Variants in FHIT observed in about 807,000 individuals in gnomAD.
The protein encoded by FHIT is fragile histidine triad diadenosine triphosphatase, also known as bis(5'-adenosyl)-triphosphatase.
Under a neutral mutation model 17.9 loss-of-function variants are expected in FHIT, and 19 were observed. The ratio of observed to expected loss-of-function variants is 1.06; its 90% CI spans 0.74 to 1.56. The LOEUF is 1.56. FHIT is among the 40% of genes most tolerant of loss of function. FHIT has a pLI of 0.00. For missense variants in FHIT, 248 were observed against 189.2 expected (o/e 1.31, Z -1.82); for synonymous variants, 81 against 69.7 (o/e 1.16, Z -0.81).
In FHIT at chr3:60,250,201, C is replaced by G. The variant is rs561268579; in HGVS notation, c.104-236049G>C. On this transcript the variant is annotated intron_variant, in intron 5 of 9. Transcript: ENST00000492590. ...CATGCACTAGATAAAGTCGCACCTA[C>G]AGCTGAGCAAGATAGTTTCCAATTA... Among the ~76,000 whole-genome samples the G allele has an allele frequency of 1.1e-4, 16 of 152,254 alleles. 1 individual carries two copies. In the East Asian group the frequency reaches 2.9e-3, roughly 28 times the overall value.
intron 4 of FHIT, among the ~76,000 whole-genome samples, chr3:60,716,641 T>C (rs915458539): frequency 1.3e-5 from 2 of 152,198 alleles, no homozygotes; most frequent in East Asian, 3.9e-4. Flanking sequence ...TAGAAGTACA[T>C]GCTAAAATAA....
chr3:59,887,092 A>G (rs1375184317), intron 8 of FHIT, among the ~76,000 whole-genome samples: 3 of 152,170 alleles, frequency 2.0e-5, no homozygotes, highest in Non-Finnish European at 4.4e-5. Flanking sequence ...GAAAGTAACA[A>G]CATGGAAAGA....
At chr3:60,210,245 G>A (rs901875647) in intron 5 of FHIT, among the ~76,000 whole-genome samples, 8 of 152,142 alleles carry the variant, frequency 5.3e-5, no homozygotes, top group Non-Finnish European at 1.0e-4. Flanking sequence ...TAAGTGGATA[G>A]TCACATGAAG....
intron 4 of FHIT, among the ~76,000 whole-genome samples, chr3:60,814,016 T>C (rs1401412575): frequency 1.3e-5 from 2 of 152,168 alleles, no homozygotes; most frequent in Admixed American, 6.5e-5. Flanking sequence ...ACATAGCTGT[T>C]CTTGCTTTTT....
At chr3:60,524,763 A>T (rs1052592559) in intron 5 of FHIT, among the ~76,000 whole-genome samples, 4 of 151,988 alleles carry the variant, frequency 2.6e-5, no homozygotes, top group Admixed American at 6.6e-5. Flanking sequence ...TTCTCCATGT[A>T]ATCTCCCTGT....
At chr3:60,397,240 T>C (rs1471226043) in intron 5 of FHIT, among the ~76,000 whole-genome samples, 1 of 152,166 alleles carries the variant, frequency 6.6e-6, no homozygotes, top group Non-Finnish European at 1.5e-5. Context: ...TTAGCTCAGG[T>C]TCTTTGACCA....
At chr3:59,980,289 G>A (rs1708596016) in intron 7 of FHIT, among the ~76,000 whole-genome samples, 1 of 152,134 alleles carries the variant, frequency 6.6e-6, no homozygotes, top group Admixed American at 6.6e-5. Context: ...CCAGAGGAAG[G>A]TGGCTGAATG....
At chr3:61,072,255 G>T (rs553246374) in intron 2 of FHIT, among the ~76,000 whole-genome samples, 1 of 152,040 alleles carries the variant, frequency 6.6e-6, no homozygotes, top group Non-Finnish European at 1.5e-5. Context: ...TTTTATTCAG[G>T]TATTGACTGC....
chr3:60,644,821 T>C (rs1462423285), intron 4 of FHIT, among the ~76,000 whole-genome samples: 1 of 152,176 alleles, frequency 6.6e-6, no homozygotes, highest in Non-Finnish European at 1.5e-5. Flanking sequence ...ACTGAAAGCC[T>C]CCAGATCACC....
At chr3:60,271,360 G>A (rs542206160) in intron 5 of FHIT, among the ~76,000 whole-genome samples, 12 of 152,158 alleles carry the variant, frequency 7.9e-5, no homozygotes, top group East Asian at 1.9e-4. Flanking sequence ...CTGAGATCCC[G>A]CCACTGCACT....
intron 5 of FHIT, among the ~76,000 whole-genome samples, chr3:60,130,282 C>T (rs1699481631): frequency 3.9e-5 from 6 of 152,132 alleles, no homozygotes; most frequent in Admixed American, 3.3e-4. Context: ...TGTCTTGAAA[C>T]CTTTCTAATT....
chr3:61,210,995 T>A (rs2039448287), intron 1 of FHIT, among the ~76,000 whole-genome samples: 1 of 152,076 alleles, frequency 6.6e-6, no homozygotes, highest in Non-Finnish European at 1.5e-5. Flanking sequence ...AAAAACTAGA[T>A]ATTTAAAAAT....
At chr3:60,565,748 GTC>G (rs771573638) in intron 4 of FHIT, among the ~76,000 whole-genome samples, 27 of 152,124 alleles carry the variant, frequency 1.8e-4, no homozygotes, top group Non-Finnish European at 2.8e-4. Flanking sequence ...GGTTTTTTGT[GTC>G]TCTATTTCCT....
intron 4 of FHIT, among the ~76,000 whole-genome samples, chr3:60,614,332 C>T (rs1553674838): frequency 6.6e-6 from 1 of 152,150 alleles, no homozygotes; most frequent in Non-Finnish European, 1.5e-5. Context: ...CTAAACCAGC[C>T]CAGTGTGGTG....
At chr3:60,908,714 G>A (rs1706560835) in intron 3 of FHIT, among the ~76,000 whole-genome samples, 4 of 117,398 alleles carry the variant, frequency 3.4e-5, no homozygotes, top group African/African-American at 9.5e-5. Context: ...AGTCTCTTAT[G>A]AAAAAAAAAA....
At chr3:60,459,538 G>A (rs928964812) in intron 5 of FHIT, among the ~76,000 whole-genome samples, 1 of 152,098 alleles carries the variant, frequency 6.6e-6, no homozygotes, top group Non-Finnish European at 1.5e-5. Flanking sequence ...GGTACAACGC[G>A]CTTAGCAGTG....
rs1033405487 is a variant in FHIT at position 60,497,234 on chromosome 3, G to C, written c.103+39626C>G. 2.0e-5 allele frequency among the ~76,000 whole-genome samples: 3 copies of C among 151,942 alleles called. No homozygotes were observed. The South Asian group carries it at 6.2e-4, about 31-fold the overall frequency. ...TGGTCCAAAATGGCAATGGTTACAA[G>C]GTTGAGAAAGGCAGCCCTAAAAACA... On this transcript the variant is annotated intron_variant, in intron 5 of 9. Coordinates refer to ENST00000492590, the MANE Select transcript of FHIT (RefSeq NM_002012.4).
chr3:60,564,352 T>C (rs550791156), intron 4 of FHIT, among the ~76,000 whole-genome samples: 6 of 152,292 alleles, frequency 3.9e-5, no homozygotes, highest in African/African-American at 1.4e-4. Context: ...AGGAGATGAA[T>C]GTTGTTTTCA....
intron 9 of FHIT, chr3:59,750,573 T>C (rs812965): frequency 0.82 from 185,127 of 225,544 alleles, 76,307 homozygotes; most frequent in East Asian, 0.9. Context: ...GCCTCTGTTA[T>C]AGCACTTGCC....
Sources: gnomAD v4.1 joint callset for allele counts (sites outside exome capture counted in the v4.1 genomes callset) on GRCh38, gnomAD v4.1.1 for gene constraint, MANE v1.5 for transcripts, NCBI Gene and HGNC (gene_info 2026-07-23, HGNC 2026-07-21) for gene names.